TBCCD1: variants seen among roughly 807,000 people sequenced by gnomAD.
TBCCD1 encodes TBCC domain-containing protein 1.
In TBCCD1, 26 loss-of-function variants were observed where a neutral mutation model predicts 53.4. That is an observed-to-expected ratio of 0.49 (90% CI 0.36 to 0.68). TBCCD1 has a LOEUF of 0.68. Among genes scored for constraint, TBCCD1 ranks in the 30% least tolerant of loss-of-function variants. The pLI is 0.00. For synonymous variants in TBCCD1, 245 were observed against 241.7 expected, an observed-to-expected ratio of 1.01 and a Z score of -0.13; for missense variants, 558 against 669.5, an observed-to-expected ratio of 0.83 and a Z score of 1.84.
In TBCCD1 at chr3:186,566,938, A is replaced by C. The variant is rs377618773; in HGVS notation, c.-44+329T>G. Among the ~76,000 whole-genome samples the C allele has an allele frequency of 1.1e-4, 17 of 152,380 alleles. No individual in the cohort carries two copies. The South Asian group carries it at 3.5e-3, about 32-fold the overall frequency. On this transcript the variant is annotated intron_variant, in intron 1 of 7. Coordinates refer to ENST00000338733, the MANE Select transcript of TBCCD1 (RefSeq NM_018138.5). Reference sequence around the variant, plus strand: ...AGATGAGCCCTCCATTCTAACTCCGAGAATCGAGAGGGCTCAATCCGTAAA... The same window carrying C: ...AGATGAGCCCTCCATTCTAACTCCGCGAATCGAGAGGGCTCAATCCGTAAA...
Position 186,551,270 on chromosome 3 carries a change from C to G in TBCCD1, c.1554G>C (p.Arg518Ser), listed in dbSNP as rs1714366608. The G allele has an allele frequency of 1.2e-6, 2 of 1,611,620 alleles. No individual in the cohort carries two copies. The highest frequency in any genetic ancestry group is 3.4e-5 in the Admixed American group (2 of 59,448). The stretch of plus-strand genomic sequence containing the variant: ...TCTCTACCAGTACCTGGAACTGCTT[C>G]CTTTGATCCCTAAAATTGCGATTAT... ...VKEAHLTKDQRKQFQVLVENK... is the reference protein window; with the variant it reads ...VKEAHLTKDQSKQFQVLVENK... The change falls in exon 7 of 8, where the codon AGG becomes AGC. Residue 518 changes from arginine (R) to serine (S), a missense_variant. By Grantham distance (110) the Arg-to-Ser change is moderately radical. Transcript: ENST00000338733.
intron 7 of TBCCD1, 61 bp downstream of exon 7, chr3:186,551,067 CT>C (rs1486368998): frequency 3.3e-5 from 51 of 1,544,292 alleles, no homozygotes; most frequent in Middle Eastern, 2.4e-4. Flanking sequence ...TATTCTGTGC[CT>C]TTTTTTTATG....
At position 186,547,886 on chromosome 3, in the gene TBCCD1, C is replaced by T. The variant is rs1369486397; in HGVS notation, c.*22-931G>A. Among the ~76,000 whole-genome samples the T allele has an allele frequency of 5.3e-5, 8 of 152,158 alleles. No homozygotes were observed. The South Asian group carries it at 1.2e-3, about 24-fold the overall frequency. ...CCTCCCGAAGTGCTGGGATTACAGG[C>T]ATGCTAAATTCTTTAAAAAAAAATA... On this transcript the variant is annotated intron_variant, in intron 7 of 7. Transcript: ENST00000338733.
upstream of TBCCD1, chr3:186,567,518 C>G (rs1334588889): frequency 5.3e-5 from 8 of 152,284 alleles, no homozygotes; most frequent in Non-Finnish European, 1.0e-4. Context: ...CCACCGCTTT[C>G]TGGTGTCGCG....
In TBCCD1 at chr3:186,553,934, G is replaced by A. The variant is rs1033072703; in HGVS notation, c.1544+320C>T. ...ACGATCTTGGCTCACTGCAACCTCC[G>A]CCTCCTGGGTTCAAGCAATTCTCCT... is the stretch of plus-strand genomic sequence containing the variant. On this transcript the variant is annotated intron_variant, in intron 6 of 7. Transcript: ENST00000338733. Among the ~76,000 whole-genome samples the A allele has an allele frequency of 3.3e-5, 5 of 151,776 alleles. No individual in the cohort carries two copies. In the East Asian group the frequency reaches 7.8e-4, roughly 24 times the overall value.
At chr3:186,548,489 T>C (rs931074087) in intron 7 of TBCCD1, among the ~76,000 whole-genome samples, 2 of 152,230 alleles carry the variant, frequency 1.3e-5, no homozygotes, top group African/African-American at 2.4e-5. Flanking sequence ...AGCTACTGAA[T>C]TCTTTACTTT....
At chr3:186,561,346 A>G (rs1351407058) in intron 2 of TBCCD1, among the ~76,000 whole-genome samples, 1 of 152,244 alleles carries the variant, frequency 6.6e-6, no homozygotes. Flanking sequence ...AAGGTGCTCA[A>G]CATCACTACT....
At chr3:186,558,992 G>A (rs900306449) in intron 2 of TBCCD1, among the ~76,000 whole-genome samples, 1 of 152,152 alleles carries the variant, frequency 6.6e-6, no homozygotes, top group Non-Finnish European at 1.5e-5. Context: ...TGATCTGCCC[G>A]CCTTGGCTTC....
At chr3:186,565,544 C>G (rs1714804861) in intron 1 of TBCCD1, among the ~76,000 whole-genome samples, 1 of 152,310 alleles carries the variant, frequency 6.6e-6, no homozygotes, top group Admixed American at 6.5e-5. Context: ...TTATTCAACT[C>G]TTCTCCCATT....
chr3:186,550,180 T>C (rs1714329078), intron 7 of TBCCD1, among the ~76,000 whole-genome samples: 1 of 150,386 alleles, frequency 6.6e-6, no homozygotes, highest in Non-Finnish European at 1.5e-5. Flanking sequence ...TGAACTGAGA[T>C]TGTGCCACTG....
intron 1 of TBCCD1, among the ~76,000 whole-genome samples, chr3:186,564,703 T>C (rs1329737517): frequency 2.0e-5 from 3 of 152,206 alleles, no homozygotes; most frequent in African/African-American, 7.2e-5. Context: ...AGGAAACCTT[T>C]TTCTACTCTG....
chr3:186,551,036 T>C, intron 7 of TBCCD1, 93 bp downstream of exon 7: 3 of 1,345,736 alleles, frequency 2.2e-6, no homozygotes, highest in Non-Finnish European at 3.0e-6. Context: ...TAGAAAAAAT[T>C]TGGGCATGTT....
At chr3:186,570,284 C>G (rs1413569808), upstream of TBCCD1, 1 of 559,114 alleles carries the variant, frequency 1.8e-6, no homozygotes, top group Non-Finnish European at 3.2e-6. Flanking sequence ...CGCTGTACCT[C>G]TGCTCCCTCA....
At position 186,554,533 on chromosome 3, in the gene TBCCD1, T is replaced by A. The variant is rs1224631495; in HGVS notation, c.1265A>T (p.His422Leu). 6.2e-7 allele frequency: 1 copy of A among 1,614,184 alleles called. No individual in the cohort carries two copies. The highest frequency in any genetic ancestry group is 1.3e-5 in the African/African-American group (1 of 75,050). The change falls in exon 6 of 8, where the codon CAT becomes CTT. Residue 422 changes from histidine to leucine, a missense_variant. By Grantham distance (99) the His-to-Leu change is moderately conservative (BLOSUM62 -3). Coordinates refer to ENST00000338733, the MANE Select transcript of TBCCD1 (RefSeq NM_018138.5). ...QTVTFAPFHT[H>L]YPMLEDHMAR... is the part of the protein sequence containing the mutation. ...CATATGGTCCTCTAGCATTGGGTAATGTGTATGAAAAGGGGCAAAAGTTAC... is the reference window on the plus strand; with the variant it reads ...CATATGGTCCTCTAGCATTGGGTAAAGTGTATGAAAAGGGGCAAAAGTTAC...
At position 186,554,304 on chromosome 3, in the gene TBCCD1, TTC is replaced by T; in HGVS notation, c.1492_1493del (p.Glu498ThrfsTer33). ...TTTTCTGCCAGATCTGTATCTTCTG[TTC>T]TCTTTGACCCAGTGCTTTCTGATAT... ...SVYQKALGQR[E>X]QKIQIWQKTV... On this transcript the variant is annotated frameshift_variant, in exon 6 of 8. Coordinates refer to ENST00000338733, the MANE Select transcript of TBCCD1 (RefSeq NM_018138.5). LOFTEE classifies it high-confidence loss of function. 6.2e-7 allele frequency: 1 copy of T among 1,614,194 alleles called. No individual in the cohort carries two copies. Among genetic ancestry groups the T allele is most frequent in the Non-Finnish European group, 8.5e-7 (1 of 1,180,038 alleles).
Position 186,554,543 on chromosome 3 carries a change from A to C in TBCCD1, c.1255T>G (p.Phe419Val). 2.5e-6 allele frequency: 4 copies of C among 1,614,238 alleles called. No homozygotes were observed. The highest frequency in any genetic ancestry group is 3.4e-6 in the Non-Finnish European group (4 of 1,180,032). ...TCTAGCATTGGGTAATGTGTATGAA[A>C]AGGGGCAAAAGTTACTGTCTGGTTC... ...SGNQTVTFAP[F>V]HTHYPMLEDH... The change falls in exon 6 of 8, where the codon TTT becomes GTT. Residue 419 changes from phenylalanine (F) to valine (V), a missense_variant. Transcript: ENST00000338733.
At chr3:186,565,708 A>G (rs1311840202) in intron 1 of TBCCD1, among the ~76,000 whole-genome samples, 1 of 152,236 alleles carries the variant, frequency 6.6e-6, no homozygotes, top group Non-Finnish European at 1.5e-5. Flanking sequence ...AAATGTTGTC[A>G]CAAGTGTAAA....
intron 7 of TBCCD1, among the ~76,000 whole-genome samples, chr3:186,549,314 T>A (rs922329966): frequency 6.6e-5 from 10 of 151,908 alleles, no homozygotes; most frequent in Middle Eastern, 3.4e-3. Context: ...ATTAATTAAT[T>A]AATTAATTGA....
chr3:186,547,608 T>TC (rs1253464806), intron 7 of TBCCD1, among the ~76,000 whole-genome samples: 1 of 124,730 alleles, frequency 8.0e-6, no homozygotes, highest in African/African-American at 4.5e-5. Context: ...GCTAAATTCT[T>TC]TTTTTTTTTT....
Sources: allele counts gnomAD v4.1 joint callset (sites outside exome capture counted in the v4.1 genomes callset), GRCh38; gene constraint gnomAD v4.1.1; transcripts MANE v1.5; gene names NCBI Gene and HGNC (gene_info 2026-07-23, HGNC 2026-07-21).